The following ITGAL variants were observed in gnomAD, a reference collection of about 807,000 sequenced individuals.
The protein encoded by ITGAL is integrin subunit alpha L, also known as integrin alpha-L.
A neutral mutation model predicts 138.4 loss-of-function variants in ITGAL; 68 were observed. The ratio of observed to expected loss-of-function variants is 0.49; its 90% CI spans 0.40 to 0.60. The LOEUF is 0.60. ITGAL is among the 20% of genes least tolerant of loss of function. The probability of loss-of-function intolerance (pLI) is 0.00; values close to 1 mark genes in which losing one functional copy is unlikely to be tolerated. For missense variants in ITGAL, 1,256 were observed against 1,478.6 expected (o/e 0.85, Z 2.47); for synonymous variants, 561 against 584.3 (o/e 0.96, Z 0.57).
intron 9 of ITGAL, among the ~76,000 whole-genome samples, chr16:30,485,408 G>T (rs1025093149): frequency 2.8e-5 from 4 of 143,608 alleles, no homozygotes; most frequent in Non-Finnish European, 6.1e-5. Flanking sequence ...TGTATTTTTA[G>T]TAGAGACAGG....
At chr16:30,504,087 C>T in intron 17 of ITGAL, 88 bp from the exon 18 acceptor site, 1 of 1,023,970 alleles carries the variant, frequency 9.8e-7, no homozygotes, top group South Asian at 1.3e-5. Context: ...AATTTCATCA[C>T]TTGTAAAATG....
chr16:30,500,267 G>A (rs1048938813), intron 17 of ITGAL, among the ~76,000 whole-genome samples: 1 of 149,862 alleles, frequency 6.7e-6, no homozygotes, highest in African/African-American at 2.5e-5. Flanking sequence ...TATATTTTTA[G>A]TAGAGTTGGG....
intron 25 of ITGAL, among the ~76,000 whole-genome samples, chr16:30,516,378 T>C (rs1332033610): frequency 6.6e-6 from 1 of 152,004 alleles, no homozygotes; most frequent in Non-Finnish European, 1.5e-5. Context: ...TGTAGGATTG[T>C]GCCACCACAC....
rs956069675 is a variant in ITGAL at position 30,475,497 on chromosome 16, C to T, written c.260-16C>T. The T allele has an allele frequency of 9.9e-6, 16 of 1,612,432 alleles. No homozygotes were observed. Among genetic ancestry groups the T allele is most frequent in the African/African-American group, 4.0e-5 (3 of 74,888 alleles). The stretch of plus-strand genomic sequence containing the variant: ...ACTGCCTGAGCTCCTCCAGACCAAC[C>T]TTCTGGTGCCTACAGGTTCCAACTA... On this transcript the variant is annotated splice_polypyrimidine_tract_variant and intron_variant, in intron 3 of 30. Transcript: ENST00000356798.
chr16:30,487,118 G>A (rs535868706), intron 9 of ITGAL, among the ~76,000 whole-genome samples: 17 of 149,526 alleles, frequency 1.1e-4, no homozygotes, highest in Non-Finnish European at 2.4e-4. Flanking sequence ...CCTCCAGCCT[G>A]GGCGACAGAG....
chr16:30,505,345 C>T (rs1432289074), intron 19 of ITGAL, 44 bp from the exon 20 acceptor site: 14 of 1,612,776 alleles, frequency 8.7e-6, no homozygotes, highest in Non-Finnish European at 1.2e-5. Context: ...GGAACAAGTC[C>T]CTCCTGATCT....
chr16:30,503,567 C>G (rs1457854724), intron 17 of ITGAL, among the ~76,000 whole-genome samples: 2 of 117,560 alleles, frequency 1.7e-5, no homozygotes, highest in African/African-American at 6.7e-5. Context: ...GGGAGGCAGG[C>G]AAGGAGGGAG....
intron 25 of ITGAL, among the ~76,000 whole-genome samples, chr16:30,515,976 A>C (rs980042619): frequency 5.9e-5 from 9 of 152,158 alleles, no homozygotes; most frequent in African/African-American, 2.2e-4. Flanking sequence ...TGTCTAAAAA[A>C]AAAAAAAAAA....
At position 30,513,773 on chromosome 16, in the gene ITGAL, A is replaced by G. The variant is rs1047033505; in HGVS notation, c.2789A>G (p.Gln930Arg). ...TCGCTGCCCTTCTCTCTCCGCAGCC[A>G]AGAAGACTCCACACTCTATGTCAGT... The part of the protein sequence containing the change: ...LYPINILIQD[Q>R]EDSTLYVSFT... Residue 930 changes from glutamine (Q) to arginine (R), a missense_variant and splice_region_variant, in exon 25 of 31, where the codon CAA (glutamine) becomes CGA (arginine). Physicochemically the swap from Gln to Arg is conservative, Grantham distance 43. Transcript: ENST00000356798. 6.2e-7 allele frequency: 1 copy of G among 1,613,338 alleles called. No individual in the cohort carries two copies.
intron 17 of ITGAL, 141 bp from the exon 18 acceptor site, chr16:30,504,034 T>C: frequency 1.5e-6 from 1 of 670,244 alleles, no homozygotes. Flanking sequence ...ATGTAGTCAA[T>C]GGATTTTCAA....
At chr16:30,500,524 T>C (rs2050879061) in intron 17 of ITGAL, among the ~76,000 whole-genome samples, 1 of 151,992 alleles carries the variant, frequency 6.6e-6, no homozygotes, top group Non-Finnish European at 1.5e-5. Context: ...TGGCTGCTTC[T>C]AGGTTTTTAA....
At position 30,519,846 on chromosome 16, in the gene ITGAL, C is replaced by G. The variant is rs986898563; in HGVS notation, c.3229-11C>G. On this transcript the variant is annotated splice_polypyrimidine_tract_variant and intron_variant, in intron 29 of 30. Coordinates refer to ENST00000356798, the MANE Select transcript of ITGAL (RefSeq NM_002209.3). ...AGGCATTTTCCGGCACTCCCCTCCC[C>G]CTGCTCCCAGGTTGTCATGAAGGTT... The G allele has an allele frequency of 8.1e-6, 13 of 1,595,474 alleles. No individual in the cohort carries two copies. The highest frequency in any genetic ancestry group is 6.7e-5 in the Admixed American group (4 of 59,972).
chr16:30,505,842 C>A (rs949076467), intron 20 of ITGAL, among the ~76,000 whole-genome samples: 1 of 152,192 alleles, frequency 6.6e-6, no homozygotes, highest in Admixed American at 6.5e-5. Flanking sequence ...CACTGCACCC[C>A]AGCCTGGGTG....
intron 28 of ITGAL, among the ~76,000 whole-genome samples, chr16:30,518,273 C>A (rs191846124): frequency 1.3e-5 from 2 of 152,008 alleles, no homozygotes; most frequent in East Asian, 3.9e-4. Flanking sequence ...CATGGTGAAA[C>A]CCTGTCTGTA....
chr16:30,502,023 ACT>A (rs941570045), intron 17 of ITGAL, among the ~76,000 whole-genome samples: 2 of 151,886 alleles, frequency 1.3e-5, no homozygotes, highest in Non-Finnish European at 2.9e-5. Flanking sequence ...ACAGAATGAG[ACT>A]CTGTCTCCAA....
At chr16:30,512,444 C>T (rs1241021245) in intron 24 of ITGAL, among the ~76,000 whole-genome samples, 2 of 151,652 alleles carry the variant, frequency 1.3e-5, no homozygotes, top group African/African-American at 2.4e-5. Context: ...AAAATTAGCT[C>T]GGCGTTGTGG....
At chr16:30,492,910 G>T (rs1357312193) in intron 11 of ITGAL, among the ~76,000 whole-genome samples, 2 of 152,068 alleles carry the variant, frequency 1.3e-5, no homozygotes. Flanking sequence ...TAGAGACAGG[G>T]TCTCACTCTG....
At chr16:30,516,933 C>A (rs1234427002) in intron 25 of ITGAL, 40 bp from the exon 26 acceptor site, 3 of 1,425,202 alleles carry the variant, frequency 2.1e-6, no homozygotes, top group Non-Finnish European at 3.0e-6. Flanking sequence ...GCTGGGGTGG[C>A]TGGCATTCAG....
At chr16:30,501,031 A>G (rs1434544911) in intron 17 of ITGAL, among the ~76,000 whole-genome samples, 3 of 151,338 alleles carry the variant, frequency 2.0e-5, no homozygotes, top group African/African-American at 7.3e-5. Context: ...GTTTTTGTAG[A>G]GACAAGGTCT....
Sources: allele counts gnomAD v4.1 joint callset (sites outside exome capture counted in the v4.1 genomes callset), GRCh38; gene constraint gnomAD v4.1.1; transcripts MANE v1.5; gene names NCBI Gene and HGNC (gene_info 2026-07-23, HGNC 2026-07-21).